The following PEF1 variants were observed in gnomAD, a reference collection of about 807,000 sequenced individuals.
The protein encoded by PEF1 is peflin.
PEF1 carries 17 observed loss-of-function variants against 32.0 expected under a neutral mutation model. The ratio of observed to expected loss-of-function variants is 0.53; its 90% CI spans 0.36 to 0.80. PEF1 has a LOEUF of 0.80. Among genes scored for constraint, PEF1 ranks in the 30% least tolerant of loss-of-function variants. The pLI is 0.00. For missense variants in PEF1, 362 were observed against 369.1 expected (o/e 0.98, Z 0.16); for synonymous variants, 130 against 139.8 (o/e 0.93, Z 0.50).
intron 1 of PEF1, 105 bp downstream of exon 1, chr1:31,644,736 C>A: frequency 6.3e-7 from 1 of 1,595,222 alleles, no homozygotes. Context: ...GAAGCGAACC[C>A]ATCGTGGGAA....
chr1:31,637,666 A>AG (rs1491031723), intron 1 of PEF1, among the ~76,000 whole-genome samples: 5 of 130,396 alleles, frequency 3.8e-5, no homozygotes, highest in South Asian at 2.6e-4. Context: ...AAAAAAAAAA[A>AG]AGAGAGAGAG....
intron 4 of PEF1, among the ~76,000 whole-genome samples, chr1:31,632,067 T>C (rs1640119832): frequency 6.6e-6 from 1 of 152,222 alleles, no homozygotes; most frequent in South Asian, 2.1e-4. Flanking sequence ...TCCCAAAAGT[T>C]GGGAAAGAAA....
chr1:31,631,824 C>T (rs1640112334), intron 4 of PEF1, among the ~76,000 whole-genome samples: 1 of 152,186 alleles, frequency 6.6e-6, no homozygotes, highest in Non-Finnish European at 1.5e-5. Context: ...CTCCTGCCCA[C>T]AGACCTCCTT....
chr1:31,638,296 A>G (rs1640309533), intron 1 of PEF1, among the ~76,000 whole-genome samples: 1 of 151,558 alleles, frequency 6.6e-6, no homozygotes, highest in Non-Finnish European at 1.5e-5. Context: ...GACTTGCCCA[A>G]GTAATGCTGT....
At chr1:31,632,696 C>T in intron 3 of PEF1, 58 bp from the exon 4 acceptor site, 1 of 1,566,242 alleles carries the variant, frequency 6.4e-7, no homozygotes. Context: ...GCCAAGGGTC[C>T]CCCTCAGGAC....
intron 4 of PEF1, among the ~76,000 whole-genome samples, chr1:31,631,577 C>T (rs539504851): frequency 3.0e-4 from 45 of 152,178 alleles, no homozygotes; most frequent in Middle Eastern, 3.4e-3. Context: ...GTTTTCTCAC[C>T]GGTAAAAGGG....
intron 2 of PEF1, among the ~76,000 whole-genome samples, chr1:31,634,389 G>A (rs1640200842): frequency 1.3e-5 from 2 of 152,198 alleles, no homozygotes; most frequent in East Asian, 3.8e-4. Context: ...ACAATTTTCT[G>A]AGTAATGATT....
chr1:31,630,220 T>C lies in PEF1; in HGVS notation c.*393A>G, dbSNP rs897395876. 6.7e-5 allele frequency: 17 copies of C among 255,324 alleles called. No homozygotes were observed. Among genetic ancestry groups the C allele is most frequent in the African/African-American group, 3.3e-4 (15 of 45,902 alleles). 15.8% of individuals were successfully genotyped at this position (255,324 alleles called of 1,614,324 possible). ...GAGAAAATGGGCTCGTTTGACAGGA[T>C]GGCCTGGTGAGGGAACACAGGTACT... On this transcript the variant is annotated 3_prime_UTR_variant, in exon 5 of 5. Transcript: ENST00000373703.
At chr1:31,644,364 G>A in intron 1 of PEF1, 1 of 1,001,776 alleles carries the variant, frequency 1.0e-6, no homozygotes, top group Non-Finnish European at 1.2e-6. Flanking sequence ...CTAAGTCAGT[G>A]GTCAAACCAG....
intron 4 of PEF1, among the ~76,000 whole-genome samples, chr1:31,631,730 A>T (rs1399658150): frequency 6.6e-6 from 1 of 152,246 alleles, no homozygotes; most frequent in East Asian, 1.9e-4. Flanking sequence ...CCTTACTAAT[A>T]TCCACGACAA....
At chr1:31,639,607 G>A (rs1025939371) in intron 1 of PEF1, among the ~76,000 whole-genome samples, 1 of 152,250 alleles carries the variant, frequency 6.6e-6, no homozygotes, top group Non-Finnish European at 1.5e-5. Flanking sequence ...TGTGGAGGAT[G>A]AGCCAGTGAG....
chr1:31,631,364 A>C (rs971432650), intron 4 of PEF1, among the ~76,000 whole-genome samples: 6 of 152,358 alleles, frequency 3.9e-5, no homozygotes, highest in African/African-American at 1.4e-4. Context: ...TAAAGCACTT[A>C]GCACAGTGAC....
In PEF1 at chr1:31,644,859, G is replaced by T. The variant is rs374023063; in HGVS notation, c.6C>A (p.Ala2=). The T allele has an allele frequency of 6.2e-7, 1 of 1,613,800 alleles. No homozygotes were observed. The highest frequency in any genetic ancestry group is 1.7e-5 in the Admixed American group (1 of 59,992). ...CACTCACCTGCCGGTAAGGATAGCT[G>T]GCCATGGTGATTCTGACGTCACACT... M[A]SYPYRQGCPG... Residue 2 remains alanine (A), a synonymous_variant, in exon 1 of 5, where the codon GCC becomes GCA. Coordinates refer to ENST00000373703, the MANE Select transcript of PEF1 (RefSeq NM_012392.4).
chr1:31,634,598 GAC>G (rs1557585910), intron 2 of PEF1, among the ~76,000 whole-genome samples: 2 of 152,134 alleles, frequency 1.3e-5, no homozygotes, highest in African/African-American at 4.8e-5. Flanking sequence ...CTAGCCAGGA[GAC>G]ACAGTCTGCA....
Position 31,630,805 on chromosome 1 carries a change from G to A in PEF1, c.663C>T (p.Phe221=), listed in dbSNP as rs757209663. The A allele has an allele frequency of 7.4e-6, 12 of 1,612,702 alleles. No individual in the cohort carries two copies. Among genetic ancestry groups the A allele is most frequent in the Admixed American group, 1.7e-5 (1 of 60,022 alleles). ...SQMGYNLSPQ[F]TQLLVSRYCP... is the part of the protein sequence containing the mutation. Reference sequence around the variant, plus strand: ...AGTAGCGGGAGACCAGAAGCTGGGTGAACTGGGGGCTCAGGTTGTAGCCCA... The same window carrying A: ...AGTAGCGGGAGACCAGAAGCTGGGTAAACTGGGGGCTCAGGTTGTAGCCCA... Residue 221 remains phenylalanine, a synonymous_variant, in exon 5 of 5, where the codon TTC becomes TTT. Coordinates refer to ENST00000373703, the MANE Select transcript of PEF1 (RefSeq NM_012392.4).
At chr1:31,640,634 A>G (rs987117441) in intron 1 of PEF1, among the ~76,000 whole-genome samples, 9 of 152,128 alleles carry the variant, frequency 5.9e-5, no homozygotes, top group African/African-American at 1.9e-4. Context: ...AGACACCCCA[A>G]AGACTCTTCA....
chr1:31,630,292 C>T lies in PEF1; in HGVS notation c.*321G>A, dbSNP rs1640059007. The T allele has an allele frequency of 7.9e-6, 3 of 380,788 alleles. No homozygotes were observed. Among genetic ancestry groups the T allele is most frequent in the South Asian group, 7.6e-5 (3 of 39,640 alleles). 23.6% of individuals were successfully genotyped at this position (380,788 alleles called of 1,614,324 possible). On this transcript the variant is annotated 3_prime_UTR_variant, in exon 5 of 5. Transcript: ENST00000373703. ...ACTCACCACTGGCATCAGGGTGGAG[C>T]TCAGCTGACTGGACACTAACTCCAT...
chr1:31,632,778 C>G, intron 3 of PEF1, 140 bp from the exon 4 acceptor site: 1 of 1,004,864 alleles, frequency 1.0e-6, no homozygotes. Flanking sequence ...GCCCAGATGC[C>G]TGCACCTGAG....
intron 4 of PEF1, among the ~76,000 whole-genome samples, chr1:31,631,967 C>A (rs967592978): frequency 2.6e-5 from 4 of 152,218 alleles, no homozygotes; most frequent in African/African-American, 9.6e-5. Context: ...CAAACTGTGG[C>A]CTTCTGCCTT....
Sources: allele counts gnomAD v4.1 joint callset (sites outside exome capture counted in the v4.1 genomes callset), GRCh38; gene constraint gnomAD v4.1.1; transcripts MANE v1.5; gene names NCBI Gene and HGNC (gene_info 2026-07-23, HGNC 2026-07-21).